The following FAM178B variants were observed in gnomAD, a reference collection of about 807,000 sequenced individuals.
FAM178B encodes the protein family with sequence similarity 178 member B.
Under a neutral mutation model 91.7 loss-of-function variants are expected in FAM178B, and 82 were observed. The ratio of observed to expected loss-of-function variants is 0.89; its 90% confidence interval spans 0.75 to 1.07. The LOEUF is 1.07. Ranked by LOEUF, FAM178B falls within the 50% of genes least tolerant of loss-of-function variation. FAM178B has a pLI of 0.00. For missense variants in FAM178B, 769 were observed against 846.7 expected, an observed-to-expected ratio of 0.91 and a Z score of 1.14; for synonymous variants, 368 against 359.4, an observed-to-expected ratio of 1.02 and a Z score of -0.27.
At chr2:96,926,888 GC>G (rs2081448446) in intron 9 of FAM178B, among the ~76,000 whole-genome samples, 1 of 152,220 alleles carries the variant, frequency 6.6e-6, no homozygotes, top group Non-Finnish European at 1.5e-5. Context: ...CTCATTTTGA[GC>G]CCTGGCCATT....
chr2:96,904,763 T>C (rs1382906268), intron 12 of FAM178B, among the ~76,000 whole-genome samples: 9 of 152,110 alleles, frequency 5.9e-5, no homozygotes, highest in Middle Eastern at 3.4e-3. Flanking sequence ...CTGCAGTCCC[T>C]GCTACTCAGG....
chr2:96,932,144 A>G (rs1285995152), intron 8 of FAM178B, among the ~76,000 whole-genome samples: 3 of 152,066 alleles, frequency 2.0e-5, no homozygotes, highest in Non-Finnish European at 4.4e-5. Context: ...TCAGACCCCA[A>G]GGAGGTTGTG....
At chr2:96,974,869 T>C (rs1416683157) in intron 1 of FAM178B, among the ~76,000 whole-genome samples, 1 of 151,794 alleles carries the variant, frequency 6.6e-6, no homozygotes, top group Non-Finnish European at 1.5e-5. Flanking sequence ...GCGGGCGTTA[T>C]CACTTGAGGT....
rs2080242707 is a variant in FAM178B at position 96,876,401 on chromosome 2, C to T, written c.2008-93G>A. On this transcript the variant is annotated intron_variant, in intron 16 of 16. Transcript: ENST00000490605. ...CCGGGCTGGCGGTGTCCATTCAGCA[C>T]CCATCGCAGGCTCATGCCAGGGGCC... 3.4e-6 allele frequency: 5 copies of T among 1,487,472 alleles called. No individual in the cohort carries two copies. The South Asian group carries it at 3.6e-5, about 11-fold the overall frequency. 92.1% of individuals were successfully genotyped at this position (1,487,472 alleles called of 1,614,324 possible). A position where few individuals can be genotyped will look rare whatever the true frequency, so the allele number is the denominator to read the frequency against.
At chr2:96,975,632 A>C (rs1416062952) in intron 1 of FAM178B, among the ~76,000 whole-genome samples, 1 of 152,200 alleles carries the variant, frequency 6.6e-6, no homozygotes, top group East Asian at 1.9e-4. Context: ...TAGTCACCCT[A>C]CTAATCTACT....
intron 1 of FAM178B, among the ~76,000 whole-genome samples, chr2:96,974,691 G>C (rs1320453749): frequency 6.6e-6 from 1 of 152,090 alleles, no homozygotes; most frequent in Non-Finnish European, 1.5e-5. Flanking sequence ...AGTACTAAAA[G>C]AAAGCTCGGG....
chr2:96,943,364 G>C (rs1342701244), intron 8 of FAM178B, among the ~76,000 whole-genome samples: 1 of 152,096 alleles, frequency 6.6e-6, no homozygotes, highest in African/African-American at 2.4e-5. Flanking sequence ...TTCAGAATAG[G>C]CATGAAATTT....
chr2:96,960,181 C>A, intron 6 of FAM178B, 107 bp downstream of exon 6: 2 of 1,245,440 alleles, frequency 1.6e-6, no homozygotes, highest in South Asian at 3.1e-5. Context: ...TTGGCCTGAT[C>A]ACCTCTTCGA....
At chr2:96,942,517 G>A (rs1027235836) in intron 8 of FAM178B, among the ~76,000 whole-genome samples, 10 of 151,964 alleles carry the variant, frequency 6.6e-5, no homozygotes, top group African/African-American at 9.7e-5. Flanking sequence ...CTCAGCCTCC[G>A]GAGTAGCTGG....
At chr2:96,902,339 C>T (rs11902657) in intron 13 of FAM178B, among the ~76,000 whole-genome samples, 12,834 of 151,528 alleles carry the variant, frequency 0.085, 1,804 homozygotes, top group African/African-American at 0.3. Context: ...CTCCTGACCT[C>T]ATGATCTGCC....
intron 1 of FAM178B, among the ~76,000 whole-genome samples, chr2:96,975,905 G>A (rs1010920276): frequency 2.0e-5 from 3 of 151,340 alleles, no homozygotes; most frequent in Admixed American, 6.6e-5. Flanking sequence ...GAACCACCGC[G>A]CCCGATCTAA....
intron 8 of FAM178B, among the ~76,000 whole-genome samples, chr2:96,935,824 G>A (rs2081615827): frequency 6.6e-6 from 1 of 150,942 alleles, no homozygotes; most frequent in Admixed American, 6.6e-5. Flanking sequence ...TTAGTAGACA[G>A]GGGGTTTCAC....
chr2:96,972,384 C>A, intron 2 of FAM178B, 62 bp from the exon 3 acceptor site: 1 of 1,470,412 alleles, frequency 6.8e-7, no homozygotes, highest in Non-Finnish European at 9.1e-7. Context: ...AGACGTCAAG[C>A]CACACTGGGT....
chr2:96,932,416 AG>A (rs1476037015), intron 8 of FAM178B, among the ~76,000 whole-genome samples: 2 of 152,236 alleles, frequency 1.3e-5, no homozygotes, highest in African/African-American at 4.8e-5. Context: ...ACTTGAGGAC[AG>A]GAAAATACCA....
At chr2:96,953,276 A>G (rs1470936025) in intron 6 of FAM178B, among the ~76,000 whole-genome samples, 1 of 152,222 alleles carries the variant, frequency 6.6e-6, no homozygotes, top group Non-Finnish European at 1.5e-5. Flanking sequence ...GTTCAAGAAC[A>G]TGCACAGCAG....
In FAM178B at chr2:96,972,045, G is replaced by C. The variant is rs1044106219; in HGVS notation, c.420C>G (p.Pro140=). Residue 140 remains proline, a synonymous_variant, in exon 3 of 17, where the codon CCC becomes CCG. Coordinates refer to ENST00000490605, the MANE Select transcript of FAM178B (RefSeq NM_001122646.3). ...CACCAGCCAGTCTCCTCAGGCCCTG[G>C]GGGCCCACCACACCCACCCACCTCT... is the stretch of plus-strand genomic sequence containing the variant. ...PAQRWVGVVG[P]QGLRRLAGEL... 6.4e-7 allele frequency: 1 copy of C among 1,550,544 alleles called. No homozygotes were observed. The highest frequency in any genetic ancestry group is 8.7e-7 in the Non-Finnish European group (1 of 1,146,826).
At position 96,877,883 on chromosome 2, in the gene FAM178B, G is replaced by T; in HGVS notation, c.2007+7C>A. ...CTCCCAGGTCTGGGGGCTAGAGGGG[G>T]CACCACCTGGGGCTGGCAGTGGGTC... is the stretch of plus-strand genomic sequence containing the variant. On this transcript the variant is annotated splice_region_variant and intron_variant, in intron 16 of 16. Coordinates refer to ENST00000490605, the MANE Select transcript of FAM178B (RefSeq NM_001122646.3). The T allele has an allele frequency of 4.3e-6, 7 of 1,612,030 alleles. No individual in the cohort carries two copies. Among genetic ancestry groups the T allele is most frequent in the Non-Finnish European group, 5.1e-6 (6 of 1,179,856 alleles).
chr2:96,931,378 T>A (rs1333631304), intron 8 of FAM178B, among the ~76,000 whole-genome samples: 1 of 152,194 alleles, frequency 6.6e-6, no homozygotes, highest in Non-Finnish European at 1.5e-5. Context: ...TACAAGTGAA[T>A]GTCTTTATGC....
intron 8 of FAM178B, among the ~76,000 whole-genome samples, chr2:96,930,894 G>A (rs961427172): frequency 6.6e-6 from 1 of 152,140 alleles, no homozygotes; most frequent in Non-Finnish European, 1.5e-5. Flanking sequence ...TGCCACATAA[G>A]GAATTGGCCA....
Sources: allele counts gnomAD v4.1 joint callset (sites outside exome capture counted in the v4.1 genomes callset), GRCh38; gene constraint gnomAD v4.1.1; transcripts MANE v1.5; gene names NCBI Gene and HGNC (gene_info 2026-07-23, HGNC 2026-07-21).